ABCC11: variants seen among roughly 807,000 people sequenced by gnomAD.
ABCC11 encodes ATP binding cassette subfamily C member 11, also known as ATP-binding cassette sub-family C member 11.
In ABCC11, 135 loss-of-function variants were observed where a neutral mutation model predicts 149.3. That is an observed-to-expected ratio of 0.90 (90% CI 0.79 to 1.04). ABCC11 has a LOEUF of 1.04. Among genes scored for constraint, ABCC11 ranks in the 50% least tolerant of loss-of-function variants. ABCC11 has a pLI of 0.00. For missense variants in ABCC11, 1,680 were observed against 1,722.1 expected (o/e 0.98, Z 0.43); for synonymous variants, 665 against 671.4 (o/e 0.99, Z 0.15).
Position 48,198,269 on chromosome 16 carries a change from C to T in ABCC11, c.2089G>A (p.Glu697Lys), listed in dbSNP as rs747398169. ...VLVTHQLQYL[E>K]FCGQIILLEN... Reference sequence around the variant, plus strand: ...AACAAAATGATCTGGCCACAAAATTCTAAGTACTGGACAGTCAAAAGAAAG... The same window carrying T: ...AACAAAATGATCTGGCCACAAAATTTTAAGTACTGGACAGTCAAAAGAAAG... The change falls in exon 16 of 30, where the codon GAA becomes AAA. Residue 697 changes from glutamate to lysine, a missense_variant. Glu to Lys is a moderately conservative substitution (Grantham distance 56). Coordinates refer to ENST00000356608, the MANE Select transcript of ABCC11 (RefSeq NM_001370497.1). 6.2e-7 allele frequency: 1 copy of T among 1,614,178 alleles called. No individual in the cohort carries two copies. The highest frequency in any genetic ancestry group is 8.5e-7 in the Non-Finnish European group (1 of 1,180,028).
chr16:48,172,177 T>A lies in ABCC11; in HGVS notation c.3699-1210A>T, dbSNP rs559891814. On this transcript the variant is annotated intron_variant, in intron 26 of 29. Coordinates refer to ENST00000356608, the MANE Select transcript of ABCC11 (RefSeq NM_001370497.1). Reference sequence around the variant, plus strand: ...TCTGGCATCTTTCACTTCGTGTCCATCCATATTGTAGCATGTAACATTTCC... The same window carrying A: ...TCTGGCATCTTTCACTTCGTGTCCAACCATATTGTAGCATGTAACATTTCC... Among the ~76,000 whole-genome samples the A allele has an allele frequency of 6.6e-5, 10 of 152,334 alleles. No individual in the cohort carries two copies. The South Asian group carries it at 1.7e-3, about 25-fold the overall frequency.
intron 25 of ABCC11, among the ~76,000 whole-genome samples, chr16:48,175,726 A>T (rs1966019539): frequency 6.6e-6 from 1 of 152,182 alleles, no homozygotes; most frequent in African/African-American, 2.4e-5. Flanking sequence ...CATTTTTAAA[A>T]ATCCTAGATA....
At chr16:48,214,252 C>T (rs1259697024) in intron 9 of ABCC11, among the ~76,000 whole-genome samples, 1 of 151,950 alleles carries the variant, frequency 6.6e-6, no homozygotes, top group Non-Finnish European at 1.5e-5. Flanking sequence ...TCTATAGCGC[C>T]CCCAACACCC....
rs554432052 is a variant in ABCC11 at position 48,215,234 on chromosome 16, C to T, written c.1062G>A (p.Met354Ile). ...EVLTCIKLIK[M>I]YTWEKPFAKI... is the part of the protein sequence containing the mutation. ...TTGCAAATGGTTTCTCCCATGTGTA[C>T]ATTTTAATCAGCTTAATGCAAGTGA... Residue 354 changes from methionine (M) to isoleucine (I), a missense_variant, in exon 8 of 30, where the codon ATG becomes ATA. Met to Ile is a conservative substitution (Grantham distance 10). Coordinates refer to ENST00000356608, the MANE Select transcript of ABCC11 (RefSeq NM_001370497.1). 1.6e-4 allele frequency: 251 copies of T among 1,613,678 alleles called. No individual in the cohort carries two copies. The South Asian group carries it at 2.6e-3, about 17-fold the overall frequency.
At chr16:48,245,340 T>C (rs979074209) in intron 1 of ABCC11, among the ~76,000 whole-genome samples, 1 of 152,208 alleles carries the variant, frequency 6.6e-6, no homozygotes, top group Non-Finnish European at 1.5e-5. Flanking sequence ...CTCGCCCTAT[T>C]GGTGTGACTT....
At chr16:48,235,522 C>G (rs1347324094) in intron 1 of ABCC11, among the ~76,000 whole-genome samples, 1 of 152,180 alleles carries the variant, frequency 6.6e-6, no homozygotes, top group Admixed American at 6.5e-5. Context: ...TCGCTCATCC[C>G]AAGCAAACGA....
At chr16:48,234,389 GT>G (rs1299199448) in intron 1 of ABCC11, among the ~76,000 whole-genome samples, 1 of 151,932 alleles carries the variant, frequency 6.6e-6, no homozygotes, top group Non-Finnish European at 1.5e-5. Context: ...TTTTATTAAT[GT>G]TTGTGTTTAG....
intron 20 of ABCC11, among the ~76,000 whole-genome samples, chr16:48,188,749 GCACAGT>G (rs1178973676): frequency 6.6e-6 from 1 of 152,194 alleles, no homozygotes; most frequent in Admixed American, 6.5e-5. Context: ...CCCAAGCCTG[GCACAGT>G]CACTCTTCAC....
chr16:48,244,222 T>C, intron 1 of ABCC11: 1 of 555,908 alleles, frequency 1.8e-6, no homozygotes, highest in Non-Finnish European at 3.1e-6. Flanking sequence ...GAGGCTCTCC[T>C]AGAGAGCAGC....
intron 1 of ABCC11, chr16:48,244,501 A>G (rs765732257): frequency 5.3e-5 from 85 of 1,597,172 alleles, no homozygotes; most frequent in Non-Finnish European, 7.1e-5. Context: ...TCGGCCCGCA[A>G]CCTGCAGCTG....
chr16:48,204,790 T>C (rs1968289324), intron 13 of ABCC11, among the ~76,000 whole-genome samples: 1 of 152,158 alleles, frequency 6.6e-6, no homozygotes, highest in South Asian at 2.1e-4. Flanking sequence ...TCAGAGCAGT[T>C]TTCCTGGACC....
At chr16:48,237,464 T>G (rs2150933291) in intron 1 of ABCC11, among the ~76,000 whole-genome samples, 1 of 152,368 alleles carries the variant, frequency 6.6e-6, no homozygotes, top group East Asian at 1.9e-4. Context: ...TGACAGCAAC[T>G]GCTCCTAGTC....
chr16:48,190,209 A>C (rs1421455712), intron 20 of ABCC11, among the ~76,000 whole-genome samples: 1 of 152,052 alleles, frequency 6.6e-6, no homozygotes, highest in Non-Finnish European at 1.5e-5. Flanking sequence ...CCCCCATTAG[A>C]CTATACATCC....
chr16:48,173,783 T>A (rs1478056826), intron 26 of ABCC11, among the ~76,000 whole-genome samples: 2 of 151,688 alleles, frequency 1.3e-5, no homozygotes, highest in Non-Finnish European at 2.9e-5. Flanking sequence ...CACCACCACA[T>A]CTGGCTAATT....
chr16:48,245,360 G>A (rs780694280), intron 1 of ABCC11, among the ~76,000 whole-genome samples: 11 of 152,176 alleles, frequency 7.2e-5, no homozygotes, highest in Admixed American at 6.5e-5. Context: ...TTGGGTGAGA[G>A]CTTTAACCTC....
chr16:48,235,911 G>A (rs995550328), intron 1 of ABCC11, among the ~76,000 whole-genome samples: 1 of 152,154 alleles, frequency 6.6e-6, no homozygotes, highest in Admixed American at 6.6e-5. Context: ...ACTGGAGCGG[G>A]GTAACCTGTA....
chr16:48,244,497 C>T (rs1971225121), intron 1 of ABCC11: 1 of 1,598,094 alleles, frequency 6.3e-7, no homozygotes, highest in Non-Finnish European at 8.5e-7. Flanking sequence ...GGACTCGGCC[C>T]GCAACCTGCA....
At position 48,216,303 on chromosome 16, in the gene ABCC11, TTGA is replaced by T; in HGVS notation, c.778-19_778-17del. 1 of 1,610,840 alleles carries T rather than the reference TTGA, an allele frequency of 6.2e-7. No individual in the cohort carries two copies. Among genetic ancestry groups the T allele is most frequent in the Non-Finnish European group, 8.5e-7 (1 of 1,178,848 alleles). On this transcript the variant is annotated splice_polypyrimidine_tract_variant and intron_variant, in intron 6 of 29. Coordinates refer to ENST00000356608, the MANE Select transcript of ABCC11 (RefSeq NM_001370497.1). ...AGCTGATGGCCTGCAAGACAGCAAGTTGATGGGCACAGATGTCACCTCCCTGGG... is the reference window on the plus strand; with the variant it reads ...AGCTGATGGCCTGCAAGACAGCAAGTTGGGCACAGATGTCACCTCCCTGGG...
chr16:48,200,514 C>G lies in ABCC11; in HGVS notation c.1879-35G>C, dbSNP rs200580227. ...GGCAGTAAAAGGCACCATGTCCAGA[C>G]AGCAAGCACAGCCAGGTGTGCTCAA... On this transcript the variant is annotated intron_variant, in intron 14 of 29. Transcript: ENST00000356608. 9.4e-6 allele frequency: 15 copies of G among 1,602,050 alleles called. No homozygotes were observed. The African/African-American group carries it at 1.1e-4, about 11-fold the overall frequency.
Sources: gnomAD v4.1 joint callset for allele counts (sites outside exome capture counted in the v4.1 genomes callset) on GRCh38, gnomAD v4.1.1 for gene constraint, MANE v1.5 for transcripts, NCBI Gene and HGNC (gene_info 2026-07-23, HGNC 2026-07-21) for gene names.